The following FAM167A variants were observed in gnomAD, a reference collection of about 807,000 sequenced individuals.
FAM167A encodes the protein protein FAM167A.
Under a neutral mutation model 14.9 loss-of-function variants are expected in FAM167A, and 23 were observed. That is an observed-to-expected ratio of 1.55 (90% CI 1.11 to 2.19). The LOEUF (loss-of-function observed/expected upper bound fraction) is 2.19. Ranked by LOEUF, FAM167A falls within the 30% of genes most tolerant of loss-of-function variation. The pLI, the probability that FAM167A is intolerant of heterozygous loss-of-function variation, is 0.00. For synonymous variants in FAM167A, 174 were observed against 117.7 expected (o/e 1.48, Z -3.10); for missense variants, 401 against 281.5 (o/e 1.42, Z -3.04).
intron 1 of FAM167A, among the ~76,000 whole-genome samples, chr8:11,455,915 G>T (rs1807251347): frequency 7.0e-6 from 1 of 142,198 alleles, no homozygotes; most frequent in African/African-American, 2.6e-5. Flanking sequence ...GAGTGTGAGG[G>T]GTGGTTGCCC....
At chr8:11,463,841 G>A (rs183631298) in intron 1 of FAM167A, among the ~76,000 whole-genome samples, 3 of 152,332 alleles carry the variant, frequency 2.0e-5, no homozygotes, top group East Asian at 1.9e-4. Context: ...ATGGGCACCC[G>A]AGGGACCTTC....
At chr8:11,433,204 TAAAAA>T (rs34636796) in intron 2 of FAM167A, among the ~76,000 whole-genome samples, 1 of 150,346 alleles carries the variant, frequency 6.7e-6, no homozygotes, top group Non-Finnish European at 1.5e-5. Flanking sequence ...TAAAGTATGA[TAAAAA>T]AAAATAAAAA....
intron 2 of FAM167A, among the ~76,000 whole-genome samples, chr8:11,439,943 G>A (rs1563371396): frequency 6.6e-6 from 1 of 152,140 alleles, no homozygotes; most frequent in Non-Finnish European, 1.5e-5. Flanking sequence ...GTGTGTGAAT[G>A]CTCTGAATTC....
At chr8:11,471,096 G>A (rs540912728), upstream of FAM167A, among the ~76,000 whole-genome samples, 12 of 152,314 alleles carry the variant, frequency 7.9e-5, no homozygotes, top group South Asian at 1.2e-3. Context: ...CACACAGAGC[G>A]TCCACCTTAG....
Position 11,455,717 on chromosome 8 carries a change from G to A in FAM167A, c.-398+10909C>T, listed in dbSNP as rs1455711260. On this transcript the variant is annotated intron_variant, in intron 1 of 2. Coordinates refer to ENST00000284486, the MANE Select transcript of FAM167A (RefSeq NM_053279.3). ...GGGATGGTTGCTCTGCGGGGTGTAT[G>A]AGTGTGTGAGTGTCGGGGGTGGTTG... Among the ~76,000 whole-genome samples, 20 of 43,222 alleles carry A rather than the reference G, an allele frequency of 4.6e-4. 1 individual carries two copies. In the South Asian group the frequency reaches 0.016, roughly 35 times the overall value. The allele number at this position is 43,222 out of a possible 152,430, so 28.4% of individuals were successfully genotyped here. A position where few individuals can be genotyped will look rare whatever the true frequency, so the allele number is the denominator to read the frequency against.
At chr8:11,448,401 T>C (rs1304282028) in intron 1 of FAM167A, among the ~76,000 whole-genome samples, 1 of 152,166 alleles carries the variant, frequency 6.6e-6, no homozygotes, top group Non-Finnish European at 1.5e-5. Flanking sequence ...GCCCTAGACA[T>C]AGTCATGTAG....
At position 11,422,815 on chromosome 8, in the gene FAM167A, C is replaced by G. The variant is rs1430168521; in HGVS notation, c.*1558G>C. 2 of 152,488 alleles carry G rather than the reference C, an allele frequency of 1.3e-5. No individual in the cohort carries two copies. Among genetic ancestry groups the G allele is most frequent in the African/African-American group, 4.8e-5 (2 of 41,404 alleles). 9.4% of individuals were successfully genotyped at this position (152,488 alleles called of 1,614,324 possible). A position where few individuals can be genotyped will look rare whatever the true frequency, so the allele number is the denominator to read the frequency against. On this transcript the variant is annotated 3_prime_UTR_variant, in exon 3 of 3. Coordinates refer to ENST00000284486, the MANE Select transcript of FAM167A (RefSeq NM_053279.3). Reference sequence around the variant, plus strand: ...AGAGCAGCCAGATGCCGTGCGTAGACCATGGGACAGTGATTAGTGACACAT... The same window carrying G: ...AGAGCAGCCAGATGCCGTGCGTAGAGCATGGGACAGTGATTAGTGACACAT...
intron 1 of FAM167A, among the ~76,000 whole-genome samples, chr8:11,452,505 G>C (rs1427933779): frequency 2.0e-5 from 3 of 152,180 alleles, no homozygotes; most frequent in African/African-American, 7.2e-5. Context: ...GAGGCAGAAA[G>C]AGCATGAAGG....
At chr8:11,466,801 T>A (rs1255061584), upstream of FAM167A, 3 of 151,940 alleles carry the variant, frequency 2.0e-5, no homozygotes, top group Non-Finnish European at 4.4e-5. Context: ...CTGCGTTGCG[T>A]CAGGGCGGTT....
At chr8:11,463,522 G>C (rs935369564) in intron 1 of FAM167A, among the ~76,000 whole-genome samples, 72 of 152,210 alleles carry the variant, frequency 4.7e-4, no homozygotes, top group African/African-American at 1.6e-3. Context: ...ACACTGCCCA[G>C]CCTTCGAGAA....
In FAM167A at chr8:11,421,822, T is replaced by TGG. The variant is rs1804751441; in HGVS notation, c.*2549_*2550dup. 1 of 398,626 alleles carries TGG rather than the reference T, an allele frequency of 2.5e-6. No individual in the cohort carries two copies. The highest frequency in any genetic ancestry group is 4.4e-5 in the Admixed American group (1 of 22,716). The allele number at this position is 398,626 out of a possible 1,614,324, so 24.7% of individuals were successfully genotyped here. On this transcript the variant is annotated 3_prime_UTR_variant, in exon 3 of 3. Coordinates refer to ENST00000284486, the MANE Select transcript of FAM167A (RefSeq NM_053279.3). The stretch of plus-strand genomic sequence containing the variant: ...AACTGCAAACAGCACTGTACACATG[T>TGG]GGTGAGCCAGGAGGCTGGGACGGAG...
At chr8:11,434,910 T>G (rs992502099) in intron 2 of FAM167A, 1 of 403,316 alleles carries the variant, frequency 2.5e-6, no homozygotes, top group Admixed American at 2.6e-5. Context: ...GTGGGAGAGA[T>G]GTGACTGCTG....
At chr8:11,454,835 AG>A (rs1271209114) in intron 1 of FAM167A, among the ~76,000 whole-genome samples, 1 of 152,164 alleles carries the variant, frequency 6.6e-6, no homozygotes, top group Non-Finnish European at 1.5e-5. Context: ...GGCTGGGCTC[AG>A]CACTGACCAG....
At chr8:11,440,974 C>T (rs1185564407) in intron 2 of FAM167A, among the ~76,000 whole-genome samples, 6 of 152,298 alleles carry the variant, frequency 3.9e-5, no homozygotes, top group African/African-American at 7.2e-5. Context: ...TGTTCTCCAA[C>T]GCTGAACTCT....
chr8:11,461,395 G>A (rs1055923452), intron 1 of FAM167A, among the ~76,000 whole-genome samples: 5 of 152,268 alleles, frequency 3.3e-5, no homozygotes, highest in Non-Finnish European at 4.4e-5. Context: ...GCCTGCTGCC[G>A]CCCCGCCAAC....
intron 1 of FAM167A, among the ~76,000 whole-genome samples, chr8:11,456,718 T>A (rs1157247967): frequency 6.6e-6 from 1 of 150,572 alleles, no homozygotes; most frequent in Non-Finnish European, 1.5e-5. Flanking sequence ...GATGTAGGTG[T>A]GGCTGGGTAA....
At chr8:11,450,972 G>A (rs1169011364) in intron 1 of FAM167A, among the ~76,000 whole-genome samples, 1 of 152,254 alleles carries the variant, frequency 6.6e-6, no homozygotes, top group Non-Finnish European at 1.5e-5. Flanking sequence ...AGTTGGAGGG[G>A]ACAGTCTGAT....
upstream of FAM167A, among the ~76,000 whole-genome samples, chr8:11,469,117 T>C (rs771962038): frequency 1.1e-4 from 17 of 152,218 alleles, no homozygotes; most frequent in Non-Finnish European, 1.8e-4. Context: ...TAACGCTAAG[T>C]AAATAAGACT....
rs1554521058 is a variant in FAM167A at position 11,422,373 on chromosome 8, G to GTGGGTGTGTGTGT, written c.*1999_*2000insACACACACACCCA. The GTGGGTGTGTGTGT allele has an allele frequency of 8.3e-6, 1 of 120,196 alleles. No homozygotes were observed. Among genetic ancestry groups the GTGGGTGTGTGTGT allele is most frequent in the Non-Finnish European group, 1.8e-5 (1 of 55,330 alleles). 7.4% of individuals were successfully genotyped at this position (120,196 alleles called of 1,614,324 possible). A position where few individuals can be genotyped will look rare whatever the true frequency, so the allele number is the denominator to read the frequency against. ...TCTCTGTCGTGTGTGTGTGTGTGGGGGTGTGTGTGTGTGTGTGTGTGTGTG... is the reference window on the plus strand; with the variant it reads ...TCTCTGTCGTGTGTGTGTGTGTGGGGTGGGTGTGTGTGTGTGTGTGTGTGTGTGTGTGTGTGTG... On this transcript the variant is annotated 3_prime_UTR_variant, in exon 3 of 3. Transcript: ENST00000284486.
Sources: allele counts gnomAD v4.1 joint callset (sites outside exome capture counted in the v4.1 genomes callset), GRCh38; gene constraint gnomAD v4.1.1; transcripts MANE v1.5; gene names NCBI Gene and HGNC (gene_info 2026-07-23, HGNC 2026-07-21).